COL5A2: variants seen among roughly 807,000 people sequenced by gnomAD.
COL5A2 encodes collagen alpha-2(V) chain.
A neutral mutation model predicts 208.2 loss-of-function variants in COL5A2; 23 were observed. The ratio of observed to expected loss-of-function variants is 0.11; its 90% confidence interval spans 0.08 to 0.16. COL5A2 has a LOEUF of 0.16. Among genes scored for constraint, COL5A2 ranks in the 10% least tolerant of loss-of-function variants. COL5A2 has a pLI of 1.00. For missense variants in COL5A2, 1,590 were observed against 1,956.4 expected (o/e 0.81, Z 3.53); for synonymous variants, 625 against 628.5 (o/e 0.99, Z 0.08).
At chr2:189,218,817 A>G (rs1173817275) in intron 1 of COL5A2, among the ~76,000 whole-genome samples, 1 of 152,080 alleles carries the variant, frequency 6.6e-6, no homozygotes. Flanking sequence ...TATGCTTGAT[A>G]TTTCAGTGCA....
chr2:189,076,121 T>C (rs907089471), intron 16 of COL5A2, among the ~76,000 whole-genome samples: 4 of 152,198 alleles, frequency 2.6e-5, no homozygotes, highest in Admixed American at 2.6e-4. Flanking sequence ...AATTTCTCCC[T>C]CTGAAAAACC....
At chr2:189,169,772 C>T (rs1199967499) in intron 1 of COL5A2, among the ~76,000 whole-genome samples, 4 of 152,314 alleles carry the variant, frequency 2.6e-5, no homozygotes, top group African/African-American at 4.8e-5. Context: ...AGCGCAATGG[C>T]GCGATCTCAG....
chr2:189,210,505 C>G (rs954557434), intron 1 of COL5A2, among the ~76,000 whole-genome samples: 1 of 147,482 alleles, frequency 6.8e-6, no homozygotes, highest in Admixed American at 6.9e-5. Context: ...GAATTTCTGA[C>G]TCACCAGAAT....
chr2:189,312,093 C>T, the COL5A2 span: 2 of 787,988 alleles, frequency 2.5e-6, no homozygotes, highest in Non-Finnish European at 4.6e-6. Flanking sequence ...CAGAATGATG[C>T]TGGCATTGTC....
chr2:189,246,320 G>A, the COL5A2 span, among the ~76,000 whole-genome samples: 191 of 152,174 alleles, frequency 1.3e-3, 5 homozygotes, highest in South Asian at 0.024. Context: ...AGATCAAAGC[G>A]TGGCCAAAGG....
intron 2 of COL5A2, among the ~76,000 whole-genome samples, chr2:189,105,483 G>T (rs1687131087): frequency 6.6e-6 from 1 of 151,278 alleles, no homozygotes; most frequent in Non-Finnish European, 1.5e-5. Flanking sequence ...GTCATATATT[G>T]AAAAATCATT....
At chr2:189,074,935 C>T (rs1277281959) in intron 17 of COL5A2, among the ~76,000 whole-genome samples, 1 of 152,114 alleles carries the variant, frequency 6.6e-6, no homozygotes, top group African/African-American at 2.4e-5. Flanking sequence ...TGTTTAAAAT[C>T]CCTGAATGAT....
chr2:189,282,056 G>A, the COL5A2 span, among the ~76,000 whole-genome samples: 1 of 151,998 alleles, frequency 6.6e-6, no homozygotes, highest in Non-Finnish European at 1.5e-5. Flanking sequence ...GTAGTGGTGG[G>A]CACCTGTAAT....
At chr2:189,299,603 C>T in the COL5A2 span, among the ~76,000 whole-genome samples, 6 of 152,222 alleles carry the variant, frequency 3.9e-5, no homozygotes, top group East Asian at 1.2e-3. Context: ...TCAAATATTA[C>T]TTGAAGATAC....
At chr2:189,301,787 G>T in the COL5A2 span, among the ~76,000 whole-genome samples, 1 of 152,240 alleles carries the variant, frequency 6.6e-6, no homozygotes, top group Non-Finnish European at 1.5e-5. Flanking sequence ...TATTCATATT[G>T]TTGTATCTTT....
chr2:189,041,290 T>C (rs1685555413), intron 50 of COL5A2, among the ~76,000 whole-genome samples: 1 of 152,218 alleles, frequency 6.6e-6, no homozygotes, highest in African/African-American at 2.4e-5. Flanking sequence ...ATATTGCCCT[T>C]GAGAGCAAAT....
intron 1 of COL5A2, among the ~76,000 whole-genome samples, chr2:189,111,858 CTTTTCTTTTTTTT>C (rs762826589): frequency 6.8e-6 from 1 of 147,610 alleles, no homozygotes; most frequent in Non-Finnish European, 1.5e-5. Context: ...CACTGTATTT[CTTTTCTTTTTTTT>C]TTTTCTTTTT....
chr2:189,225,761 T>G (rs1689407851), upstream of COL5A2, among the ~76,000 whole-genome samples: 1 of 152,022 alleles, frequency 6.6e-6, no homozygotes, highest in Non-Finnish European at 1.5e-5. Context: ...GAACACAGAA[T>G]TTGGAGGGTT....
intron 17 of COL5A2, among the ~76,000 whole-genome samples, chr2:189,074,664 T>C (rs1364777578): frequency 1.2e-4 from 19 of 152,206 alleles, no homozygotes; most frequent in Non-Finnish European, 1.5e-5. Context: ...GCTGTTCCTC[T>C]TTCTTTATTT....
chr2:189,071,967 A>T, intron 18 of COL5A2, 73 bp downstream of exon 18: 1 of 1,013,032 alleles, frequency 9.9e-7, no homozygotes. Flanking sequence ...CAATTAATTA[A>T]ATGTCATTCT....
intron 41 of COL5A2, among the ~76,000 whole-genome samples, chr2:189,051,857 GAA>G (rs1685796554): frequency 6.6e-6 from 1 of 151,998 alleles, no homozygotes; most frequent in Admixed American, 6.6e-5. Context: ...ATTTATTAAA[GAA>G]AGTTTCATAG....
At chr2:189,135,679 A>G (rs1687814730) in intron 1 of COL5A2, among the ~76,000 whole-genome samples, 1 of 152,214 alleles carries the variant, frequency 6.6e-6, no homozygotes, top group African/African-American at 2.4e-5. Context: ...CACATATTTT[A>G]TAAGAGATAT....
the COL5A2 span, among the ~76,000 whole-genome samples, chr2:189,252,894 A>G: frequency 2.0e-5 from 3 of 152,234 alleles, no homozygotes; most frequent in African/African-American, 7.2e-5. Context: ...GAAGAATTGC[A>G]GATGATGGGA....
At chr2:189,424,198 T>G in the COL5A2 span, among the ~76,000 whole-genome samples, 2 of 152,170 alleles carry the variant, frequency 1.3e-5, no homozygotes, top group Admixed American at 1.3e-4. Flanking sequence ...GAAATGTACC[T>G]TAACACAATA....
Sources: allele counts gnomAD v4.1 joint callset (sites outside exome capture counted in the v4.1 genomes callset), GRCh38; gene constraint gnomAD v4.1.1; transcripts MANE v1.5; gene names NCBI Gene and HGNC (gene_info 2026-07-23, HGNC 2026-07-21).